Variants in ANKHD1 observed in about 807,000 individuals in gnomAD.
The protein encoded by ANKHD1 is ankyrin repeat and KH domain containing 1, also known as ankyrin repeat and KH domain-containing protein 1.
In ANKHD1, 31 loss-of-function variants were observed where a neutral mutation model predicts 230.5. The ratio of observed to expected loss-of-function variants is 0.13; its 90% CI spans 0.10 to 0.18. The LOEUF (loss-of-function observed/expected upper bound fraction) is 0.18. Ranked by LOEUF, ANKHD1 falls within the 10% of genes least tolerant of loss-of-function variation. The pLI, the probability that ANKHD1 is intolerant of heterozygous loss-of-function variation, is 1.00. For missense variants in ANKHD1, 2,256 were observed against 3,071.3 expected (o/e 0.73, Z 6.27); for synonymous variants, 1,074 against 1,117.6 (o/e 0.96, Z 0.78).
intron 29 of ANKHD1, 146 bp from the exon 30 acceptor site, chr5:140,535,216 T>G: frequency 7.8e-7 from 1 of 1,274,138 alleles, no homozygotes; most frequent in South Asian, 1.7e-5. Flanking sequence ...TTGTTTTTGC[T>G]GTGGTCTATG....
Position 140,507,140 on chromosome 5 carries a change from C to T in ANKHD1, c.3551+163C>T, listed in dbSNP as rs1752574276. 6.6e-6 allele frequency among the ~76,000 whole-genome samples: 1 copy of T among 152,120 alleles called. No homozygotes were observed. Among genetic ancestry groups the T allele is most frequent in the African/African-American group, 2.4e-5 (1 of 41,428 alleles). ...TGTGTTTGTTTATAAGTAATCTCAG[C>T]TTATTTCAGTAATGTGGCTGCTTAT... On this transcript the variant is annotated intron_variant, in intron 19 of 33. Transcript: ENST00000360839. This position sits in a 1 kb window ranked among gnomAD's most constrained non-coding sequence, Gnocchi z 4.1.
At chr5:140,432,180 A>G (rs1169761385) in intron 1 of ANKHD1, among the ~76,000 whole-genome samples, 2 of 152,236 alleles carry the variant, frequency 1.3e-5, no homozygotes, top group Admixed American at 6.5e-5. Context: ...AGCAATCACT[A>G]CTATCTAATG....
intron 24 of ANKHD1, among the ~76,000 whole-genome samples, chr5:140,522,879 G>C (rs1291770894): frequency 6.6e-6 from 1 of 152,008 alleles, no homozygotes; most frequent in Non-Finnish European, 1.5e-5. Flanking sequence ...GTGTGAAGTG[G>C]ATATCTTGTG....
In ANKHD1 at chr5:140,528,923, C is replaced by T. The variant is rs1031179758; in HGVS notation, c.5977C>T (p.Pro1993Ser). 1 of 1,614,092 alleles carries T rather than the reference C, an allele frequency of 6.2e-7. No homozygotes were observed. Among genetic ancestry groups the T allele is most frequent in the Non-Finnish European group, 8.5e-7 (1 of 1,180,052 alleles). Residue 1993 changes from proline (P) to serine (S), a missense_variant, in exon 29 of 34, where the codon CCT (proline) becomes TCT (serine). Transcript: ENST00000360839. ...CSSLPSVSSAPITSGQAPTTF... is the reference protein window; with the variant it reads ...CSSLPSVSSASITSGQAPTTF... The stretch of plus-strand genomic sequence containing the variant: ...TTCCCTGCCTTCTGTCTCCTCTGCA[C>T]CTATCACTAGCGGGCAAGCTCCCAC...
intron 10 of ANKHD1, among the ~76,000 whole-genome samples, chr5:140,470,215 C>G (rs910859045): frequency 3.9e-5 from 6 of 152,004 alleles, no homozygotes; most frequent in African/African-American, 1.5e-4. Context: ...ACTTAAACAT[C>G]TGATTTCATC....
intron 1 of ANKHD1, among the ~76,000 whole-genome samples, chr5:140,420,737 T>C (rs937523625): frequency 5.9e-5 from 9 of 152,232 alleles, no homozygotes; most frequent in Admixed American, 4.6e-4. Context: ...TGTAGCTTTT[T>C]GCAGTAAGTT....
Position 140,528,699 on chromosome 5 carries a change from G to C in ANKHD1, c.5753G>C (p.Gly1918Ala). 1 of 1,614,072 alleles carries C rather than the reference G, an allele frequency of 6.2e-7. No individual in the cohort carries two copies. Among genetic ancestry groups the C allele is most frequent in the Non-Finnish European group, 8.5e-7 (1 of 1,180,026 alleles). ...ACAAGCCGTCTACCTAACCAGAACG[G>C]GACTGTTTTACCCTCAGAGTCTGCT... ...NNTSRLPNQN[G>A]TVLPSESAGL... Residue 1918 changes from glycine to alanine, a missense_variant, in exon 29 of 34, where the codon GGG (glycine) becomes GCG (alanine). By Grantham distance (60) the Gly-to-Ala change is moderately conservative. Coordinates refer to ENST00000360839, the MANE Select transcript of ANKHD1 (RefSeq NM_017747.3).
chr5:140,436,056 C>A, intron 1 of ANKHD1, 48 bp from the exon 2 acceptor site: 1 of 1,416,656 alleles, frequency 7.1e-7, no homozygotes, highest in South Asian at 1.7e-5. Context: ...TTATTCTAAT[C>A]ATATTGATAT....
At chr5:140,510,328 TTTG>T in intron 22 of ANKHD1, 147 bp downstream of exon 22, 1 of 1,213,308 alleles carries the variant, frequency 8.2e-7, no homozygotes. Flanking sequence ...TTTTTTTTTT[TTTG>T]AGACGGAGTC....
chr5:140,479,627 TA>T (rs1231445026), intron 10 of ANKHD1, among the ~76,000 whole-genome samples: 1 of 151,330 alleles, frequency 6.6e-6, no homozygotes, highest in African/African-American at 2.4e-5. Flanking sequence ...ATTATATACA[TA>T]TATGTGTTCC....
chr5:140,412,013 C>T (rs770416089), intron 1 of ANKHD1, among the ~76,000 whole-genome samples: 7 of 151,842 alleles, frequency 4.6e-5, no homozygotes, highest in South Asian at 2.1e-4. Flanking sequence ...CGCACACCAC[C>T]GTACCCTGCT....
At chr5:140,402,351 C>G in intron 1 of ANKHD1, 78 bp downstream of exon 1, 1 of 1,376,838 alleles carries the variant, frequency 7.3e-7, no homozygotes, top group Non-Finnish European at 9.3e-7. Flanking sequence ...CCGGGGCCAT[C>G]CTCCCGCTTC....
In ANKHD1 at chr5:140,485,328, G is replaced by C; in HGVS notation, c.1998+80G>C. The stretch of plus-strand genomic sequence containing the variant: ...TCCCAGCACTTTAGAAAGCTGAGGC[G>C]GGTGGATCACTTGAGCCCAGGAGTT... On this transcript the variant is annotated intron_variant, in intron 12 of 33. Coordinates refer to ENST00000360839, the MANE Select transcript of ANKHD1 (RefSeq NM_017747.3). The surrounding 1 kb of genome is among the most constrained non-coding windows in gnomAD (Gnocchi z 4.8). 1 of 1,499,922 alleles carries C rather than the reference G, an allele frequency of 6.7e-7. No homozygotes were observed. The highest frequency in any genetic ancestry group is 8.9e-7 in the Non-Finnish European group (1 of 1,121,290). The allele number at this position is 1,499,922 out of a possible 1,614,324, so 92.9% of individuals were successfully genotyped here.
chr5:140,527,339 T>C lies in ANKHD1; in HGVS notation c.5087+265T>C. 3.1e-6 allele frequency: 1 copy of C among 322,620 alleles called. No homozygotes were observed. The highest frequency in any genetic ancestry group is 5.6e-6 in the Non-Finnish European group (1 of 179,558). The allele number at this position is 322,620 out of a possible 1,614,324, so 20.0% of individuals were successfully genotyped here. A position where few individuals can be genotyped will look rare whatever the true frequency, so the allele number is the denominator to read the frequency against. On this transcript the variant is annotated intron_variant, in intron 27 of 33. Coordinates refer to ENST00000360839, the MANE Select transcript of ANKHD1 (RefSeq NM_017747.3). The surrounding 1 kb of genome is among the most constrained non-coding windows in gnomAD (Gnocchi z 4.5). ...TTCAAATGTAAAGGCTTTCTCTTGC[T>C]TTTTTTCTTTCTCATGTCTCAGTAA...
rs757309281 is a variant in ANKHD1 at position 140,508,013 on chromosome 5, C to T, written c.3765+15C>T. On this transcript the variant is annotated intron_variant, in intron 20 of 33. Coordinates refer to ENST00000360839, the MANE Select transcript of ANKHD1 (RefSeq NM_017747.3). Reference sequence around the variant, plus strand: ...ATAGGGCAAAGGTAAGCATTTTTTACTTGTCAACTATTTCAGATACATTTC... The same window carrying T: ...ATAGGGCAAAGGTAAGCATTTTTTATTTGTCAACTATTTCAGATACATTTC... The T allele has an allele frequency of 4.4e-6, 7 of 1,601,034 alleles. No individual in the cohort carries two copies. In the South Asian group the frequency reaches 6.7e-5, roughly 15 times the overall value.
chr5:140,416,135 G>A (rs1400451054), intron 1 of ANKHD1, among the ~76,000 whole-genome samples: 1 of 152,184 alleles, frequency 6.6e-6, no homozygotes, highest in Non-Finnish European at 1.5e-5. Flanking sequence ...TCTTATGGCT[G>A]CATAGCATTC....
intron 1 of ANKHD1, among the ~76,000 whole-genome samples, chr5:140,435,288 TG>T (rs1581241860): frequency 6.6e-6 from 1 of 152,126 alleles, no homozygotes; most frequent in African/African-American, 2.4e-5. Context: ...TTGTTGTTGT[TG>T]TTGTTGTTGT....
At chr5:140,422,987 C>CA (rs935651312) in intron 1 of ANKHD1, among the ~76,000 whole-genome samples, 25 of 151,820 alleles carry the variant, frequency 1.6e-4, no homozygotes, top group Middle Eastern at 6.9e-3. Context: ...GCAATCCTCC[C>CA]ACCTCAAACC....
chr5:140,536,336 C>T (rs959924449), intron 30 of ANKHD1, among the ~76,000 whole-genome samples: 1 of 152,216 alleles, frequency 6.6e-6, no homozygotes, highest in South Asian at 2.1e-4. Flanking sequence ...TTGGGTGGTC[C>T]ACCTGCCTCA....
Sources: allele counts gnomAD v4.1 joint callset (sites outside exome capture counted in the v4.1 genomes callset), GRCh38; gene constraint gnomAD v4.1.1; non-coding constraint Gnocchi (gnomAD v3.1); transcripts MANE v1.5; gene names NCBI Gene and HGNC (gene_info 2026-07-23, HGNC 2026-07-21).